AIG1: variants seen among roughly 807,000 people sequenced by gnomAD.
AIG1 encodes the protein androgen induced 1.
A neutral mutation model predicts 31.4 loss-of-function variants in AIG1; 23 were observed. That is an observed-to-expected ratio of 0.73 (90% confidence interval 0.53 to 1.04). The LOEUF (loss-of-function observed/expected upper bound fraction) is 1.04. Among genes scored for constraint, AIG1 ranks in the 50% least tolerant of loss-of-function variants. The pLI, the probability that AIG1 is intolerant of heterozygous loss-of-function variation, is 0.00. For missense variants in AIG1, 274 were observed against 295.0 expected, an observed-to-expected ratio of 0.93 and a Z score of 0.52; for synonymous variants, 100 against 110.5, an observed-to-expected ratio of 0.90 and a Z score of 0.60.
chr6:143,108,903 A>G (rs533703315), intron 1 of AIG1, among the ~76,000 whole-genome samples: 1 of 152,306 alleles, frequency 6.6e-6, no homozygotes, highest in Admixed American at 6.5e-5. Flanking sequence ...TTTTTAGGAA[A>G]CACATCTGTG....
intron 1 of AIG1, among the ~76,000 whole-genome samples, chr6:143,077,676 A>G (rs1777858363): frequency 6.6e-6 from 1 of 152,138 alleles, no homozygotes; most frequent in South Asian, 2.1e-4. Context: ...TGGTTTTATA[A>G]GTTTACTTTG....
rs1474817960 is a variant in AIG1 at position 143,291,963 on chromosome 6, G to A, written c.515+7738G>A. Among the ~76,000 whole-genome samples the A allele has an allele frequency of 6.6e-6, 1 of 152,134 alleles. No homozygotes were observed. The highest frequency in any genetic ancestry group is 1.5e-5 in the Non-Finnish European group (1 of 68,018). On this transcript the variant is annotated intron_variant, in intron 4 of 5. Coordinates refer to ENST00000357847, the MANE Select transcript of AIG1 (RefSeq NM_016108.4). This position sits in a 1 kb window ranked among gnomAD's most constrained non-coding sequence, Gnocchi z 4.2. Reference sequence around the variant, plus strand: ...TGTTAAGAGTGGATTGAAGGCAAGGGTAGAACAAGGAGAAGAGAAGAGAAG... The same window carrying A: ...TGTTAAGAGTGGATTGAAGGCAAGGATAGAACAAGGAGAAGAGAAGAGAAG...
At chr6:143,286,540 G>T (rs955865669) in intron 4 of AIG1, among the ~76,000 whole-genome samples, 2 of 152,034 alleles carry the variant, frequency 1.3e-5, no homozygotes, top group Non-Finnish European at 2.9e-5. Context: ...GATTTTAATT[G>T]TTATCAAAAA....
chr6:143,339,710 C>G lies in AIG1; in HGVS notation c.*34C>G. 1 of 1,608,618 alleles carries G rather than the reference C, an allele frequency of 6.2e-7. No individual in the cohort carries two copies. Among genetic ancestry groups the G allele is most frequent in the African/African-American group, 1.3e-5 (1 of 74,718 alleles). On this transcript the variant is annotated 3_prime_UTR_variant, in exon 6 of 6. Coordinates refer to ENST00000357847, the MANE Select transcript of AIG1 (RefSeq NM_016108.4). ...TCTAAACGCAAGAGCTAGATTGAGC[C>G]GCCATTGAAGACTCCTTCCCCTCGG...
chr6:143,220,037 C>T (rs866559224), intron 3 of AIG1, among the ~76,000 whole-genome samples: 11 of 152,284 alleles, frequency 7.2e-5, no homozygotes, highest in South Asian at 6.2e-4. Context: ...TCACCACCAA[C>T]CTCATCTTGA....
intron 3 of AIG1, among the ~76,000 whole-genome samples, chr6:143,278,685 T>G (rs1797131478): frequency 6.6e-6 from 1 of 151,868 alleles, no homozygotes; most frequent in African/African-American, 2.4e-5. Flanking sequence ...ACCAGGCTGG[T>G]CTCGAACTCC....
intron 3 of AIG1, among the ~76,000 whole-genome samples, chr6:143,222,934 A>C (rs1380860013): frequency 6.6e-6 from 1 of 152,174 alleles, no homozygotes; most frequent in Non-Finnish European, 1.5e-5. Flanking sequence ...CTGACAAAAT[A>C]TTTACTTTGC....
intron 3 of AIG1, among the ~76,000 whole-genome samples, chr6:143,191,477 T>TA (rs1276910002): frequency 2.6e-5 from 4 of 152,198 alleles, no homozygotes; most frequent in African/African-American, 9.6e-5. Context: ...AAAAAAAACT[T>TA]ACTTGTCAGT....
intron 1 of AIG1, among the ~76,000 whole-genome samples, chr6:143,131,228 T>C (rs1783207282): frequency 6.6e-6 from 1 of 152,244 alleles, no homozygotes; most frequent in Non-Finnish European, 1.5e-5. Flanking sequence ...TTATTCTTTC[T>C]TCCTTTCCCC....
intron 1 of AIG1, among the ~76,000 whole-genome samples, chr6:143,120,209 C>T (rs1046639213): frequency 6.6e-6 from 1 of 152,184 alleles, no homozygotes; most frequent in South Asian, 2.1e-4. Context: ...GCTGGGATTA[C>T]AGGTGTGAGC....
At chr6:143,289,822 G>A (rs919652799) in intron 4 of AIG1, among the ~76,000 whole-genome samples, 1 of 152,108 alleles carries the variant, frequency 6.6e-6, no homozygotes, top group African/African-American at 2.4e-5. Context: ...AGCCATGAAT[G>A]AGTAAAATTT....
intron 1 of AIG1, among the ~76,000 whole-genome samples, chr6:143,095,993 G>C (rs1295033633): frequency 7.2e-6 from 1 of 138,396 alleles, no homozygotes; most frequent in Non-Finnish European, 1.5e-5. Context: ...TGCAACCTCT[G>C]CCTCCTGTGT....
intron 3 of AIG1, among the ~76,000 whole-genome samples, chr6:143,257,848 A>G (rs1472692608): frequency 1.3e-5 from 2 of 152,150 alleles, no homozygotes; most frequent in African/African-American, 4.8e-5. Context: ...CACTTTTTTC[A>G]ATACTATATG....
At chr6:143,154,649 G>T (rs551237073) in intron 2 of AIG1, among the ~76,000 whole-genome samples, 1 of 152,160 alleles carries the variant, frequency 6.6e-6, no homozygotes. Context: ...AAATGAGTGC[G>T]TGTCAAAGCT....
intron 4 of AIG1, among the ~76,000 whole-genome samples, chr6:143,288,000 G>A (rs926999382): frequency 6.6e-6 from 1 of 151,876 alleles, no homozygotes; most frequent in African/African-American, 2.4e-5. Context: ...AATCTTACAG[G>A]GGTGCTGGGT....
At chr6:143,150,546 C>T (rs1243596792) in intron 2 of AIG1, among the ~76,000 whole-genome samples, 1 of 152,124 alleles carries the variant, frequency 6.6e-6, no homozygotes, top group Non-Finnish European at 1.5e-5. Flanking sequence ...GACTGGGGCC[C>T]ATTAGGGTGG....
chr6:143,133,923 G>A (rs183190564), intron 1 of AIG1, among the ~76,000 whole-genome samples: 167 of 152,088 alleles, frequency 1.1e-3, no homozygotes, highest in Non-Finnish European at 2.0e-3. Context: ...TACTTCCTCT[G>A]CCTATAAACA....
At chr6:143,073,881 A>G (rs1010558723) in intron 1 of AIG1, among the ~76,000 whole-genome samples, 1 of 152,242 alleles carries the variant, frequency 6.6e-6, no homozygotes, top group Non-Finnish European at 1.5e-5. Context: ...GTGCTAAACC[A>G]TTCATGAGAA....
chr6:143,175,135 C>T (rs921691257), intron 3 of AIG1, among the ~76,000 whole-genome samples: 3 of 152,222 alleles, frequency 2.0e-5, no homozygotes, highest in Non-Finnish European at 4.4e-5. Flanking sequence ...TAGGACCCCA[C>T]TACCTTCTAG....
Sources: allele counts gnomAD v4.1 joint callset (sites outside exome capture counted in the v4.1 genomes callset), GRCh38; gene constraint gnomAD v4.1.1; non-coding constraint Gnocchi (gnomAD v3.1); transcripts MANE v1.5; gene names NCBI Gene and HGNC (gene_info 2026-07-23, HGNC 2026-07-21).